The following CNNM4 variants were observed in gnomAD, a reference collection of about 807,000 sequenced individuals.
CNNM4 encodes the protein metal transporter CNNM4.
A neutral mutation model predicts 53.7 loss-of-function variants in CNNM4; 32 were observed. That is an observed-to-expected ratio of 0.60 (90% CI 0.45 to 0.80). CNNM4 has a LOEUF of 0.80. CNNM4 is among the 30% of genes least tolerant of loss of function. The pLI is 0.00. For missense variants in CNNM4, 784 were observed against 1,022.0 expected, an observed-to-expected ratio of 0.77 and a Z score of 3.17; for synonymous variants, 410 against 440.0, an observed-to-expected ratio of 0.93 and a Z score of 0.85.
rs750975187 is a variant in CNNM4, at chr2:96,762,078, A to G, written c.1079A>G (p.Asn360Ser). The change falls in exon 1 of 7, where the codon AAT (asparagine) becomes AGT (serine). Residue 360 changes from asparagine to serine, a missense_variant. Transcript: ENST00000377075. Reference protein sequence around the residue: ...PYNDLVKEELNMIQGALELRT... With the variant: ...PYNDLVKEELSMIQGALELRT... ...AATGACCTCGTGAAAGAGGAGCTCA[A>G]TATGATCCAGGGTGCCCTGGAACTA... The G allele has an allele frequency of 1.1e-5, 18 of 1,614,164 alleles. No individual in the cohort carries two copies. Among genetic ancestry groups the G allele is most frequent in the Admixed American group, 1.7e-5 (1 of 60,012 alleles).
intron 1 of CNNM4, among the ~76,000 whole-genome samples, chr2:96,794,358 C>T (rs1352127840): frequency 2.0e-5 from 3 of 152,142 alleles, no homozygotes; most frequent in Non-Finnish European, 4.4e-5. Context: ...AGCCTCCTCC[C>T]CAAACTCCAA....
At chr2:96,798,069 C>T (rs1191945739) in intron 3 of CNNM4, among the ~76,000 whole-genome samples, 1 of 152,018 alleles carries the variant, frequency 6.6e-6, no homozygotes, top group African/African-American at 2.4e-5. Context: ...CCTGTAGTCC[C>T]AGCTACTTGG....
At chr2:96,796,200 A>G (rs1398646607) in intron 1 of CNNM4, among the ~76,000 whole-genome samples, 1 of 122,116 alleles carries the variant, frequency 8.2e-6, no homozygotes, top group African/African-American at 3.2e-5. Context: ...GCTGGAGTGC[A>G]GTGGCGTGAT....
Position 96,801,894 on chromosome 2 carries a change from A to G in CNNM4, c.1948+2246A>G, listed in dbSNP as rs1018670820. Among the ~76,000 whole-genome samples the G allele has an allele frequency of 6.6e-6, 1 of 151,758 alleles. No homozygotes were observed. Among genetic ancestry groups the G allele is most frequent in the Non-Finnish European group, 1.5e-5 (1 of 67,914 alleles). On this transcript the variant is annotated intron_variant, in intron 5 of 6. Coordinates refer to ENST00000377075, the MANE Select transcript of CNNM4 (RefSeq NM_020184.4). This position sits in a 1 kb window ranked among gnomAD's most constrained non-coding sequence, Gnocchi z 5.6. Reference sequence around the variant, plus strand: ...GAGAAACACCCGTAGACACACCAGGATACACATACACACATAGATACACCA... The same window carrying G: ...GAGAAACACCCGTAGACACACCAGGGTACACATACACACATAGATACACCA...
At position 96,772,747 on chromosome 2, in the gene CNNM4, T is replaced by A. The variant is rs533148426; in HGVS notation, c.1402+10346T>A. On this transcript the variant is annotated intron_variant, in intron 1 of 6. Coordinates refer to ENST00000377075, the MANE Select transcript of CNNM4 (RefSeq NM_020184.4). Reference sequence around the variant, plus strand: ...CATGCGTGCACACACACACACACACTCATACCCCCACATAGGCACAGGCAG... The same window carrying A: ...CATGCGTGCACACACACACACACACACATACCCCCACATAGGCACAGGCAG... Among the ~76,000 whole-genome samples the A allele has an allele frequency of 7.5e-3, 596 of 79,386 alleles. 3 individuals are homozygous for A. The highest frequency in any genetic ancestry group is 0.028 in the Middle Eastern group (2 of 72). The allele number at this position is 79,386 out of a possible 152,430, so 52.1% of individuals were successfully genotyped here. A position where few individuals can be genotyped will look rare whatever the true frequency, so the allele number is the denominator to read the frequency against.
In CNNM4 at chr2:96,801,994, C is replaced by T. The variant is rs2079163841; in HGVS notation, c.1948+2346C>T. Among the ~76,000 whole-genome samples the T allele has an allele frequency of 6.6e-6, 1 of 150,884 alleles. No homozygotes were observed. Among genetic ancestry groups the T allele is most frequent in the Admixed American group, 6.6e-5 (1 of 15,158 alleles). On this transcript the variant is annotated intron_variant, in intron 5 of 6. Transcript: ENST00000377075. The surrounding 1 kb of genome is among the most constrained non-coding windows in gnomAD (Gnocchi z 5.6). Reference sequence around the variant, plus strand: ...ACACAAAGAGACACACACAGACACACACCCATGGACACACACACACACAGA... The same window carrying T: ...ACACAAAGAGACACACACAGACACATACCCATGGACACACACACACACAGA...
In CNNM4 at chr2:96,810,868, C is replaced by T. The variant is rs1338225781; in HGVS notation, c.*1351C>T. On this transcript the variant is annotated 3_prime_UTR_variant, in exon 7 of 7. Transcript: ENST00000377075. This position sits in a 1 kb window ranked among gnomAD's most constrained non-coding sequence, Gnocchi z 4.1. ...TAAGAGCTCTGCCCTCATGTGAATT[C>T]CTGCCCTGGCGCCTCTTCCCTGGGG... 6.6e-6 allele frequency: 1 copy of T among 152,338 alleles called. No individual in the cohort carries two copies. The highest frequency in any genetic ancestry group is 2.4e-5 in the African/African-American group (1 of 41,456). The allele number at this position is 152,338 out of a possible 1,614,324, so 9.4% of individuals were successfully genotyped here.
intron 1 of CNNM4, among the ~76,000 whole-genome samples, chr2:96,776,175 G>A (rs562762317): frequency 4.0e-5 from 6 of 151,198 alleles, no homozygotes; most frequent in Non-Finnish European, 7.4e-5. Flanking sequence ...ACCACAGGCC[G>A]CACACCACCA....
intron 1 of CNNM4, among the ~76,000 whole-genome samples, chr2:96,793,840 A>G (rs2079081791): frequency 6.6e-6 from 1 of 152,168 alleles, no homozygotes; most frequent in South Asian, 2.1e-4. Flanking sequence ...GCGCACACCC[A>G]GCTACTCAGG....
chr2:96,795,029 G>T (rs1018644374), intron 1 of CNNM4, among the ~76,000 whole-genome samples: 2 of 152,252 alleles, frequency 1.3e-5, no homozygotes, highest in African/African-American at 2.4e-5. Context: ...GATTTGGGAT[G>T]CCCAATGGCG....
chr2:96,773,423 C>T (rs1456644118), intron 1 of CNNM4, among the ~76,000 whole-genome samples: 2 of 152,194 alleles, frequency 1.3e-5, no homozygotes, highest in Non-Finnish European at 2.9e-5. Flanking sequence ...GACACTGATG[C>T]CAACCTGTGG....
rs2079145230 is a variant in CNNM4 at position 96,800,061 on chromosome 2, G to A, written c.1948+413G>A. The stretch of plus-strand genomic sequence containing the variant: ...GCCAGGCCAGGGCCTGTTTGCCAGG[G>A]CAGGCTGCAGATGGGTTTGGCTTTT... On this transcript the variant is annotated intron_variant, in intron 5 of 6. Transcript: ENST00000377075. The surrounding 1 kb of genome is among the most constrained non-coding windows in gnomAD (Gnocchi z 4.6). Among the ~76,000 whole-genome samples, 1 of 152,204 alleles carries A rather than the reference G, an allele frequency of 6.6e-6. No homozygotes were observed. Among genetic ancestry groups the A allele is most frequent in the East Asian group, 1.9e-4 (1 of 5,194 alleles).
chr2:96,803,587 G>A (rs971280324), intron 5 of CNNM4, among the ~76,000 whole-genome samples: 3 of 152,004 alleles, frequency 2.0e-5, no homozygotes, highest in Non-Finnish European at 2.9e-5. Context: ...TTAGCCGGGC[G>A]TGGTGGCAGG....
At position 96,800,804 on chromosome 2, in the gene CNNM4, G is replaced by A. The variant is rs559251881; in HGVS notation, c.1948+1156G>A. Among the ~76,000 whole-genome samples the A allele has an allele frequency of 2.0e-5, 3 of 152,352 alleles. No homozygotes were observed. The highest frequency in any genetic ancestry group is 2.1e-4 in the South Asian group (1 of 4,828). ...CCCGGTTAGGGCCCAGGCTCTGTCC[G>A]TTGACCCATAGTCTCTCTGTTCCCA... On this transcript the variant is annotated intron_variant, in intron 5 of 6. Transcript: ENST00000377075. This position sits in a 1 kb window ranked among gnomAD's most constrained non-coding sequence, Gnocchi z 4.6.
At chr2:96,773,886 A>AAAAT (rs961652902) in intron 1 of CNNM4, among the ~76,000 whole-genome samples, 1 of 140,624 alleles carries the variant, frequency 7.1e-6, no homozygotes, top group Non-Finnish European at 1.6e-5. Flanking sequence ...AAGCTTATTA[A>AAAAT]AAATAAATAA....
At chr2:96,799,426 C>A in intron 4 of CNNM4, 126 bp from the exon 5 acceptor site, 1 of 1,105,748 alleles carries the variant, frequency 9.0e-7, no homozygotes, top group Non-Finnish European at 1.3e-6. Flanking sequence ...GGCCCCTGAG[C>A]TCTCCAGGGC....
Position 96,808,414 on chromosome 2 carries a change from C to G in CNNM4, c.1949-147C>G. The G allele has an allele frequency of 4.0e-6, 3 of 758,400 alleles. No individual in the cohort carries two copies. The South Asian group carries it at 4.6e-5, about 12-fold the overall frequency. 47.0% of individuals were successfully genotyped at this position (758,400 alleles called of 1,614,324 possible). ...CGAAGTCAGACCTTATGCAGTCAGACCTTCTACATGCTTCTGTTTGTCCCT... is the reference window on the plus strand; with the variant it reads ...CGAAGTCAGACCTTATGCAGTCAGAGCTTCTACATGCTTCTGTTTGTCCCT... On this transcript the variant is annotated intron_variant, in intron 5 of 6. Coordinates refer to ENST00000377075, the MANE Select transcript of CNNM4 (RefSeq NM_020184.4). This position sits in a 1 kb window ranked among gnomAD's most constrained non-coding sequence, Gnocchi z 4.9.
intron 1 of CNNM4, among the ~76,000 whole-genome samples, chr2:96,767,178 C>A (rs1386239240): frequency 1.3e-5 from 2 of 152,164 alleles, no homozygotes; most frequent in Non-Finnish European, 2.9e-5. Flanking sequence ...TACAGCCTTG[C>A]AGCACTTCTG....
chr2:96,787,901 C>G (rs1216947386), intron 1 of CNNM4, among the ~76,000 whole-genome samples: 1 of 152,168 alleles, frequency 6.6e-6, no homozygotes, highest in Non-Finnish European at 1.5e-5. Context: ...CCATTGTTCT[C>G]TCCAGTACCG....
Sources: allele counts gnomAD v4.1 joint callset (sites outside exome capture counted in the v4.1 genomes callset), GRCh38; gene constraint gnomAD v4.1.1; non-coding constraint Gnocchi (gnomAD v3.1); transcripts MANE v1.5; gene names NCBI Gene and HGNC (gene_info 2026-07-23, HGNC 2026-07-21).